PCDHA9: variants seen among roughly 807,000 people sequenced by gnomAD.
The protein encoded by PCDHA9 is protocadherin alpha-9.
PCDHA9 carries 62 observed loss-of-function variants against 62.0 expected under a neutral mutation model. The ratio of observed to expected loss-of-function variants is 1.00; its 90% CI spans 0.81 to 1.23. The LOEUF (loss-of-function observed/expected upper bound fraction) is 1.23. Ranked by LOEUF, PCDHA9 falls within the 50% of genes most tolerant of loss-of-function variation. The pLI is 0.00. For missense variants in PCDHA9, 1,205 were observed against 1,249.8 expected, an observed-to-expected ratio of 0.96 and a Z score of 0.54; for synonymous variants, 557 against 567.6, an observed-to-expected ratio of 0.98 and a Z score of 0.27.
At chr5:140,870,483 C>A (rs782740203) in intron 1 of PCDHA9, 13 of 1,614,122 alleles carry the variant, frequency 8.1e-6, no homozygotes, top group East Asian at 2.2e-5. Context: ...CCGAGTACAC[C>A]GTGTTCGTGA....
intron 1 of PCDHA9, chr5:140,870,851 C>T: frequency 6.2e-7 from 1 of 1,613,838 alleles, no homozygotes; most frequent in Non-Finnish European, 8.5e-7. Context: ...GTACCGCGGT[C>T]GGTGGGTGCG....
Position 140,958,669 on chromosome 5 carries a change from A to G in PCDHA9, c.2395-20280A>G, listed in dbSNP as rs570899981. On this transcript the variant is annotated intron_variant, in intron 1 of 3. Coordinates refer to ENST00000532602, the MANE Select transcript of PCDHA9 (RefSeq NM_031857.2). ...CACAGAAAGCTATGATGAAATTTTA[A>G]TTATAAAGGATATTGAATATCCTAG... Among the ~76,000 whole-genome samples, 3 of 152,316 alleles carry G rather than the reference A, an allele frequency of 2.0e-5. No individual in the cohort carries two copies. In the East Asian group the frequency reaches 5.8e-4, roughly 29 times the overall value.
chr5:140,877,401 G>T (rs183471635), intron 1 of PCDHA9: 1 of 1,613,944 alleles, frequency 6.2e-7, no homozygotes, highest in East Asian at 2.2e-5. Flanking sequence ...CGGACGCTCC[G>T]CGCCACCGCC....
chr5:140,957,937 A>G (rs2095399590), intron 1 of PCDHA9, among the ~76,000 whole-genome samples: 1 of 152,112 alleles, frequency 6.6e-6, no homozygotes, highest in Admixed American at 6.5e-5. Flanking sequence ...AAATAATTTA[A>G]AGATCTTTAA....
chr5:140,915,252 GTTA>G (rs1291041483), intron 1 of PCDHA9, among the ~76,000 whole-genome samples: 2 of 152,012 alleles, frequency 1.3e-5, no homozygotes, highest in African/African-American at 4.8e-5. Flanking sequence ...TGGCCAGGTT[GTTA>G]TTATTTTTGA....
At chr5:141,003,658 A>G (rs1379758431) in intron 3 of PCDHA9, among the ~76,000 whole-genome samples, 2 of 152,212 alleles carry the variant, frequency 1.3e-5, no homozygotes, top group Non-Finnish European at 2.9e-5. Flanking sequence ...GTATGCATTT[A>G]TTAAAATATA....
rs2150473240 is a variant in PCDHA9, at chr5:140,850,208, G to T, written c.1713G>T (p.Arg571Ser). The T allele has an allele frequency of 6.3e-7, 1 of 1,593,570 alleles. No homozygotes were observed. The highest frequency in any genetic ancestry group is 8.6e-7 in the Non-Finnish European group (1 of 1,167,640). Residue 571 changes from arginine to serine, a missense_variant, in exon 1 of 4, where the codon AGG becomes AGT. Arg to Ser is a moderately radical substitution (Grantham distance 110). This residue lies in a region of PCDHA9 where 887 missense variants were observed against 809.5 expected (regional missense o/e 1.10). Coordinates refer to ENST00000532602, the MANE Select transcript of PCDHA9 (RefSeq NM_031857.2). The stretch of plus-strand genomic sequence containing the variant: ...CGGCGCTGCTGACACCTCGGATGAG[G>T]GGCACTGACGGCGCAGTGAGCGAGA... ...NAPALLTPRMRGTDGAVSEMV... is the reference protein window; with the variant it reads ...NAPALLTPRMSGTDGAVSEMV...
chr5:140,894,819 G>T (rs974558361), intron 1 of PCDHA9, among the ~76,000 whole-genome samples: 6 of 151,474 alleles, frequency 4.0e-5, no homozygotes, highest in African/African-American at 1.2e-4. Context: ...TATCAGATTT[G>T]CCCATAATCC....
At chr5:140,860,385 A>T (rs2046366779) in intron 1 of PCDHA9, 1 of 152,142 alleles carries the variant, frequency 6.6e-6, no homozygotes, top group African/African-American at 2.4e-5. Flanking sequence ...TATTTCAAAA[A>T]TTGAAAAAAG....
intron 1 of PCDHA9, chr5:140,875,396 T>TA (rs1256359492): frequency 1.4e-6 from 2 of 1,478,102 alleles, no homozygotes; most frequent in African/African-American, 2.8e-5. Flanking sequence ...CAGAAAAGGG[T>TA]GACTGCTCAT....
rs2150423372 is a variant in PCDHA9, at chr5:140,848,879, C to T, written c.384C>T (p.Asp128=). 1.6e-5 allele frequency: 26 copies of T among 1,590,952 alleles called. No homozygotes were observed. The highest frequency in any genetic ancestry group is 1.2e-4 in the Admixed American group (7 of 58,768). The change falls in exon 1 of 4, where the codon GAC becomes GAT. Residue 128 remains aspartate (D), a synonymous_variant. Coordinates refer to ENST00000532602, the MANE Select transcript of PCDHA9 (RefSeq NM_031857.2). The part of the protein sequence containing the change: ...HVDVEVKDIN[D]NPPVFPATQK... The stretch of plus-strand genomic sequence containing the variant: ...ACGTGGAGGTGAAGGACATTAACGA[C>T]AACCCTCCAGTGTTCCCAGCGACAC...
At chr5:140,940,199 A>G (rs1253658459) in intron 1 of PCDHA9, among the ~76,000 whole-genome samples, 2 of 152,136 alleles carry the variant, frequency 1.3e-5, no homozygotes, top group Non-Finnish European at 2.9e-5. Flanking sequence ...CATGGGTGTA[A>G]AATTCAAGAT....
intron 2 of PCDHA9, 37 bp from the exon 3 acceptor site, chr5:140,982,438 T>G: frequency 3.8e-5 from 61 of 1,608,838 alleles, no homozygotes; most frequent in Non-Finnish European, 4.8e-5. Context: ...AAAGAATTTA[T>G]GATCTAACCG....
At chr5:140,951,082 C>G (rs1563248212) in intron 1 of PCDHA9, among the ~76,000 whole-genome samples, 1 of 151,404 alleles carries the variant, frequency 6.6e-6, no homozygotes, top group African/African-American at 2.4e-5. Context: ...TTATATTTTC[C>G]TTTTTTTCTG....
At chr5:140,855,462 A>C (rs2043478847) in intron 1 of PCDHA9, among the ~76,000 whole-genome samples, 1 of 149,974 alleles carries the variant, frequency 6.7e-6, no homozygotes, top group Admixed American at 6.7e-5. Context: ...AACACCTCAC[A>C]GATAGTTGAT....
At chr5:140,861,267 A>G (rs1251447795) in intron 1 of PCDHA9, 4 of 174,546 alleles carry the variant, frequency 2.3e-5, no homozygotes, top group African/African-American at 9.5e-5. Context: ...CGGAGCCTAC[A>G]GCACTGGCTT....
chr5:140,983,118 A>G (rs1251873984), intron 3 of PCDHA9, among the ~76,000 whole-genome samples: 1 of 152,220 alleles, frequency 6.6e-6, no homozygotes, highest in African/African-American at 2.4e-5. Flanking sequence ...CATCAACAAC[A>G]TTCTGCAGAC....
chr5:140,865,528 T>C (rs2048902393), intron 1 of PCDHA9: 1 of 152,220 alleles, frequency 6.6e-6, no homozygotes, highest in Non-Finnish European at 1.5e-5. Context: ...GGAATTCTCT[T>C]CATCCATAGC....
At chr5:140,927,212 T>C (rs150770754) in intron 1 of PCDHA9, 20 of 1,614,012 alleles carry the variant, frequency 1.2e-5, no homozygotes, top group African/African-American at 1.1e-4. Flanking sequence ...CCGCTGGAGC[T>C]GCACAAGATT....
Sources: gnomAD v4.1 joint callset for allele counts (sites outside exome capture counted in the v4.1 genomes callset) on GRCh38, gnomAD v4.1.1 for gene constraint, gnomAD v4.1.1 regional missense constraint, MANE v1.5 for transcripts, NCBI Gene and HGNC (gene_info 2026-07-23, HGNC 2026-07-21) for gene names.